Variants in EZH2 observed in about 807,000 individuals in gnomAD.
EZH2 encodes enhancer of zeste 2 polycomb repressive complex 2 subunit.
A neutral mutation model predicts 98.4 loss-of-function variants in EZH2; 18 were observed. The observed-to-expected ratio is 0.18, with a 90% CI of 0.13 to 0.27. The LOEUF is 0.27. Among genes scored for constraint, EZH2 ranks in the 10% least tolerant of loss-of-function variants. EZH2 has a pLI of 1.00. For synonymous variants in EZH2, 338 were observed against 312.3 expected (o/e 1.08, Z -0.87); for missense variants, 470 against 935.1 (o/e 0.50, Z 6.49).
intron 6 of EZH2, 32 bp downstream of exon 6, chr7:148,828,708 T>C (rs1563243322): frequency 2.5e-6 from 4 of 1,598,626 alleles, no homozygotes; most frequent in Non-Finnish European, 3.4e-6. Flanking sequence ...AAAGCTGTAA[T>C]GGCTACACAG....
chr7:148,840,682 C>A (rs1018433593), intron 3 of EZH2, among the ~76,000 whole-genome samples: 1 of 152,124 alleles, frequency 6.6e-6, no homozygotes, highest in African/African-American at 2.4e-5. Flanking sequence ...ATGAAATCTG[C>A]CCAGCCTTTC....
At chr7:148,863,041 G>A (rs1317707955) in intron 1 of EZH2, among the ~76,000 whole-genome samples, 6 of 146,506 alleles carry the variant, frequency 4.1e-5, no homozygotes, top group East Asian at 2.0e-4. Flanking sequence ...CCAAGATGTC[G>A]CCACTGCACT....
chr7:148,860,003 C>A (rs1033697929), intron 1 of EZH2, among the ~76,000 whole-genome samples: 1 of 151,832 alleles, frequency 6.6e-6, no homozygotes, highest in Non-Finnish European at 1.5e-5. Flanking sequence ...TATTATCAAG[C>A]CAAATTTAAA....
chr7:148,809,468 G>A (rs1312017438), intron 17 of EZH2, 78 bp from the exon 18 acceptor site: 1 of 1,148,048 alleles, frequency 8.7e-7, no homozygotes, highest in East Asian at 2.4e-5. Context: ...TTTTGTAAAT[G>A]CAACTGGTTA....
At chr7:148,851,857 C>T (rs564616748) in intron 1 of EZH2, among the ~76,000 whole-genome samples, 25 of 152,212 alleles carry the variant, frequency 1.6e-4, no homozygotes, top group Non-Finnish European at 2.9e-4. Context: ...GGTGACAGAG[C>T]GAGACCCTGT....
At chr7:148,861,803 TA>T (rs10628711) in intron 1 of EZH2, among the ~76,000 whole-genome samples, 177 of 143,478 alleles carry the variant, frequency 1.2e-3, no homozygotes, top group East Asian at 1.6e-3. Flanking sequence ...TTCTTTTATT[TA>T]AAAAAAAAAA....
At chr7:148,859,613 G>A (rs1435601904) in intron 1 of EZH2, among the ~76,000 whole-genome samples, 1 of 152,200 alleles carries the variant, frequency 6.6e-6, no homozygotes, top group East Asian at 1.9e-4. Context: ...GTTAAGGCAA[G>A]GGTGGCAAAC....
At chr7:148,846,746 T>G in intron 2 of EZH2, 148 bp from the exon 3 acceptor site, 1 of 696,304 alleles carries the variant, frequency 1.4e-6, no homozygotes, top group Non-Finnish European at 2.3e-6. Context: ...CACTATAGTT[T>G]CCCACATTCA....
At chr7:148,854,802 G>C (rs990998596) in intron 1 of EZH2, among the ~76,000 whole-genome samples, 2 of 152,170 alleles carry the variant, frequency 1.3e-5, no homozygotes, top group African/African-American at 4.8e-5. Context: ...GCAGCTGTTA[G>C]TATCATTTGG....
At chr7:148,854,753 C>G (rs1024900662) in intron 1 of EZH2, among the ~76,000 whole-genome samples, 4 of 152,178 alleles carry the variant, frequency 2.6e-5, no homozygotes, top group Admixed American at 6.5e-5. Context: ...ACTCTCCAGT[C>G]TTCAATAGTG....
intron 15 of EZH2, among the ~76,000 whole-genome samples, chr7:148,811,993 G>A (rs1313233032): frequency 6.6e-6 from 1 of 152,184 alleles, no homozygotes; most frequent in African/African-American, 2.4e-5. Context: ...CGTTCAGCAA[G>A]GTGCTCTAGG....
intron 1 of EZH2, among the ~76,000 whole-genome samples, chr7:148,874,130 A>AT (rs11387210): frequency 0.17 from 25,953 of 152,230 alleles, 2,345 homozygotes; most frequent in East Asian, 0.25. Flanking sequence ...TCATGCCTGT[A>AT]ATCCCAGCAC....
At chr7:148,818,145 G>T (rs761989203) in intron 9 of EZH2, 28 bp from the exon 10 acceptor site, 2 of 1,514,078 alleles carry the variant, frequency 1.3e-6, no homozygotes, top group Admixed American at 2.3e-5. Flanking sequence ...TCAACATCAG[G>T]GCAAAGTTCT....
chr7:148,874,134 C>G (rs1043769549), intron 1 of EZH2, among the ~76,000 whole-genome samples: 2 of 152,166 alleles, frequency 1.3e-5, no homozygotes, highest in Non-Finnish European at 2.9e-5. Context: ...GCCTGTAATC[C>G]CAGCACTTTG....
At chr7:148,831,144 A>G (rs1809277252) in intron 4 of EZH2, among the ~76,000 whole-genome samples, 1 of 152,182 alleles carries the variant, frequency 6.6e-6, no homozygotes, top group Non-Finnish European at 1.5e-5. Context: ...TGTGGAAAAA[A>G]TCTCAAATAA....
chr7:148,828,701 G>A, intron 6 of EZH2, 39 bp downstream of exon 6: 1 of 1,586,242 alleles, frequency 6.3e-7, no homozygotes. Flanking sequence ...TTGAAAGAAA[G>A]CTGTAATGGC....
At chr7:148,837,033 A>AC (rs1271585846) in intron 3 of EZH2, 1 of 486,998 alleles carries the variant, frequency 2.1e-6, no homozygotes, top group Non-Finnish European at 4.1e-6. Flanking sequence ...AACACACCCT[A>AC]CTATGTGCCA....
At chr7:148,830,084 A>G (rs1808912323) in intron 4 of EZH2, among the ~76,000 whole-genome samples, 1 of 152,244 alleles carries the variant, frequency 6.6e-6, no homozygotes, top group South Asian at 2.1e-4. Flanking sequence ...AAAATAATGC[A>G]CTTAGTCTGT....
chr7:148,816,844 A>G, intron 11 of EZH2, 66 bp from the exon 12 acceptor site: 1 of 1,123,876 alleles, frequency 8.9e-7, no homozygotes, highest in Non-Finnish European at 1.4e-6. Flanking sequence ...TCTTATACTC[A>G]TGCATACCAG....
Sources: gnomAD v4.1 joint callset for allele counts (sites outside exome capture counted in the v4.1 genomes callset) on GRCh38, gnomAD v4.1.1 for gene constraint, MANE v1.5 for transcripts, NCBI Gene and HGNC (gene_info 2026-07-23, HGNC 2026-07-21) for gene names.